The following IL10RB variants were observed in gnomAD, a reference collection of about 807,000 sequenced individuals.
The protein encoded by IL10RB is interleukin-10 receptor subunit beta.
IL10RB carries 30 observed loss-of-function variants against 38.7 expected under a neutral mutation model. The ratio of observed to expected loss-of-function variants is 0.78; its 90% CI spans 0.58 to 1.05. The LOEUF is 1.05. Among genes scored for constraint, IL10RB ranks in the 50% least tolerant of loss-of-function variants. The probability of loss-of-function intolerance (pLI) is 0.00; values close to 1 mark genes in which losing one functional copy is unlikely to be tolerated. For synonymous variants in IL10RB, 142 were observed against 145.9 expected, an observed-to-expected ratio of 0.97 and a Z score of 0.19; for missense variants, 328 against 397.1, an observed-to-expected ratio of 0.83 and a Z score of 1.48.
chr21:33,274,830 T>G (rs1216177222), intron 2 of IL10RB, among the ~76,000 whole-genome samples: 1 of 152,212 alleles, frequency 6.6e-6, no homozygotes, highest in African/African-American at 2.4e-5. Context: ...CAGTGTTGGC[T>G]TCAACTTAAA....
At chr21:33,271,158 T>C (rs1989072340) in intron 2 of IL10RB, among the ~76,000 whole-genome samples, 2 of 152,326 alleles carry the variant, frequency 1.3e-5, no homozygotes, top group Admixed American at 1.3e-4. Flanking sequence ...AAATATGTGC[T>C]GGCCGTGTCC....
chr21:33,279,425 G>A (rs1289349327), intron 3 of IL10RB, among the ~76,000 whole-genome samples: 1 of 152,032 alleles, frequency 6.6e-6, no homozygotes, highest in East Asian at 1.9e-4. Flanking sequence ...TAAAAGAGGA[G>A]AAGACACCAA....
intron 6 of IL10RB, 36 bp downstream of exon 6, chr21:33,288,297 C>T: frequency 1.3e-6 from 2 of 1,598,908 alleles, no homozygotes. Flanking sequence ...ATTTGAAAAC[C>T]TTGATCGGAA....
intron 6 of IL10RB, among the ~76,000 whole-genome samples, chr21:33,293,571 A>G (rs1989531240): frequency 6.6e-6 from 1 of 152,234 alleles, no homozygotes; most frequent in Admixed American, 6.5e-5. Flanking sequence ...CTATAATCCC[A>G]GCACTTTGGG....
intron 5 of IL10RB, 46 bp downstream of exon 5, chr21:33,283,287 T>C (rs1989313492): frequency 6.3e-7 from 1 of 1,586,596 alleles, no homozygotes; most frequent in African/African-American, 1.3e-5. Context: ...AACAGCTTTA[T>C]AGACACCTGC....
At chr21:33,296,135 A>G (rs1430136333) in intron 6 of IL10RB, 49 bp from the exon 7 acceptor site, 2 of 1,489,470 alleles carry the variant, frequency 1.3e-6, no homozygotes, top group Non-Finnish European at 1.9e-6. Context: ...TAAACCCAGA[A>G]AAAGAAATGG....
chr21:33,282,545 A>G (rs1989298563), intron 4 of IL10RB, among the ~76,000 whole-genome samples: 1 of 152,164 alleles, frequency 6.6e-6, no homozygotes, highest in South Asian at 2.1e-4. Flanking sequence ...CAAAAAAAAT[A>G]ATAATTAAAA....
chr21:33,293,560 C>T (rs961620557), intron 6 of IL10RB, among the ~76,000 whole-genome samples: 21 of 152,200 alleles, frequency 1.4e-4, no homozygotes, highest in Non-Finnish European at 1.5e-5. Flanking sequence ...GTGGCTCACA[C>T]CTATAATCCC....
At chr21:33,288,002 C>T (rs1022308936) in intron 5 of IL10RB, 102 bp from the exon 6 acceptor site, 7 of 1,136,608 alleles carry the variant, frequency 6.2e-6, no homozygotes, top group East Asian at 2.3e-5. Flanking sequence ...CCAAGATAAA[C>T]GTACAGGCTC....
chr21:33,292,941 G>C (rs145005759), intron 6 of IL10RB, among the ~76,000 whole-genome samples: 2 of 152,332 alleles, frequency 1.3e-5, no homozygotes, highest in Admixed American at 1.3e-4. Flanking sequence ...GCAGCCTCCT[G>C]TGTGGTTTGA....
downstream of IL10RB, among the ~76,000 whole-genome samples, chr21:33,300,407 C>A (rs1245671341): frequency 1.3e-5 from 2 of 148,994 alleles, no homozygotes; most frequent in Non-Finnish European, 3.0e-5. Context: ...TGCCACTGCA[C>A]TCCAGCCTGG....
At chr21:33,291,660 C>T (rs1473639092) in intron 6 of IL10RB, among the ~76,000 whole-genome samples, 1 of 152,196 alleles carries the variant, frequency 6.6e-6, no homozygotes, top group African/African-American at 2.4e-5. Flanking sequence ...TCCTGACAGG[C>T]CCTGCAGGAC....
At chr21:33,299,784 C>T (rs1318101749), downstream of IL10RB, among the ~76,000 whole-genome samples, 1 of 152,182 alleles carries the variant, frequency 6.6e-6, no homozygotes, top group African/African-American at 2.4e-5. Context: ...AGTTTGCAGT[C>T]AAGGTGGAGA....
chr21:33,276,474 A>G (rs1342358926), intron 2 of IL10RB, 122 bp from the exon 3 acceptor site: 4 of 773,416 alleles, frequency 5.2e-6, no homozygotes, highest in Non-Finnish European at 9.3e-6. Flanking sequence ...GAAGACACGT[A>G]TTTCTATGTT....
At chr21:33,270,443 C>T (rs533055283) in intron 2 of IL10RB, among the ~76,000 whole-genome samples, 10 of 151,018 alleles carry the variant, frequency 6.6e-5, no homozygotes, top group Admixed American at 2.6e-4. Context: ...TGCAGTAGCG[C>T]GATCTCATCT....
chr21:33,295,650 C>T (rs144275490), intron 6 of IL10RB, among the ~76,000 whole-genome samples: 3,491 of 121,462 alleles, frequency 0.029, 144 homozygotes, highest in African/African-American at 0.1. Context: ...CCAGCCCAGA[C>T]GACAGAGCGA....
At chr21:33,272,280 G>A (rs1352447269) in intron 2 of IL10RB, among the ~76,000 whole-genome samples, 1 of 152,038 alleles carries the variant, frequency 6.6e-6, no homozygotes, top group Non-Finnish European at 1.5e-5. Flanking sequence ...GGCTCTCCAC[G>A]CCTGACCCCT....
chr21:33,279,234 C>T (rs553844191), intron 3 of IL10RB, among the ~76,000 whole-genome samples: 1 of 152,054 alleles, frequency 6.6e-6, no homozygotes, highest in East Asian at 1.9e-4. Flanking sequence ...AAGGAGCCAG[C>T]CACATGAATA....
intron 4 of IL10RB, among the ~76,000 whole-genome samples, chr21:33,281,817 C>G (rs1452309824): frequency 6.6e-6 from 1 of 152,180 alleles, no homozygotes; most frequent in Non-Finnish European, 1.5e-5. Flanking sequence ...CGGTGCCAGA[C>G]TAGGTCCCTA....
Sources: gnomAD v4.1 joint callset for allele counts (sites outside exome capture counted in the v4.1 genomes callset) on GRCh38, gnomAD v4.1.1 for gene constraint, MANE v1.5 for transcripts, NCBI Gene and HGNC (gene_info 2026-07-23, HGNC 2026-07-21) for gene names.